Variants in BNC2 observed in about 807,000 individuals in gnomAD.
BNC2 encodes the protein zinc finger protein basonuclin-2.
Under a neutral mutation model 76.3 loss-of-function variants are expected in BNC2, and 20 were observed. The observed-to-expected ratio is 0.26, with a 90% CI of 0.18 to 0.38. The LOEUF (loss-of-function observed/expected upper bound fraction) is 0.38. BNC2 is among the 10% of genes least tolerant of loss of function. BNC2 has a pLI of 1.00. For missense variants in BNC2, 1,382 were observed against 1,399.8 expected (o/e 0.99, Z 0.20); for synonymous variants, 582 against 514.8 (o/e 1.13, Z -1.77).
intron 1 of BNC2, among the ~76,000 whole-genome samples, chr9:16,743,771 G>A (rs1824918461): frequency 6.6e-6 from 1 of 152,168 alleles, no homozygotes; most frequent in Non-Finnish European, 1.5e-5. Flanking sequence ...CTGCCAGATG[G>A]ACTGGCTCCT....
At chr9:16,521,745 A>G (rs1233234109) in intron 5 of BNC2, among the ~76,000 whole-genome samples, 1 of 152,204 alleles carries the variant, frequency 6.6e-6, no homozygotes, top group Non-Finnish European at 1.5e-5. Flanking sequence ...AAAACTCCAT[A>G]TCATGTTAAA....
Position 16,425,198 on chromosome 9 carries a change from C to A in BNC2, c.2640-5549G>T, listed in dbSNP as rs536746017. ...AAACAAATCATCCATACTAGTCACG[C>A]AGACAGTTTCCTCTACATTCAAATT... On this transcript the variant is annotated intron_variant, in intron 6 of 6. Transcript: ENST00000380672. Among the ~76,000 whole-genome samples the A allele has an allele frequency of 9.8e-5, 15 of 152,308 alleles. No homozygotes were observed. The South Asian group carries it at 3.1e-3, about 32-fold the overall frequency.
In BNC2 at chr9:16,663,128, C is replaced by CTTTTTTTTTTTTT. The variant is rs1220327938; in HGVS notation, c.330+64668_330+64669insAAAAAAAAAAAAA. Among the ~76,000 whole-genome samples the CTTTTTTTTTTTTT allele has an allele frequency of 4.6e-3, 238 of 51,626 alleles. 7 individuals carry two copies. The highest frequency in any genetic ancestry group is 0.015 in the African/African-American group (214 of 14,550). 33.9% of individuals were successfully genotyped at this position (51,626 alleles called of 152,430 possible). ...ATCCATAGGCACTCCACTCTGTTTA[C>CTTTTTTTTTTTTT]TCTTTTTTTTTTTTTTTTGGAGACG... On this transcript the variant is annotated intron_variant, in intron 3 of 6. Transcript: ENST00000380672.
At chr9:16,652,233 T>C (rs1191860342) in intron 3 of BNC2, among the ~76,000 whole-genome samples, 1 of 152,222 alleles carries the variant, frequency 6.6e-6, no homozygotes, top group Non-Finnish European at 1.5e-5. Flanking sequence ...GAGTCATTGT[T>C]TTCAGATAAT....
Position 16,738,584 on chromosome 9 carries a change from C to A in BNC2, c.4-99G>T. ...TTTAAGAAATTGCAAATATAACACA[C>A]CAATGACCAACTAAACACATTTTTT... On this transcript the variant is annotated intron_variant, in intron 1 of 6. Coordinates refer to ENST00000380672, the MANE Select transcript of BNC2 (RefSeq NM_017637.6). 4.6e-6 allele frequency: 6 copies of A among 1,305,546 alleles called. No individual in the cohort carries two copies. The South Asian group carries it at 6.4e-5, about 14-fold the overall frequency. The allele number at this position is 1,305,546 out of a possible 1,614,324, so 80.9% of individuals were successfully genotyped here.
chr9:16,462,653 C>T (rs1439527913), intron 5 of BNC2, among the ~76,000 whole-genome samples: 1 of 152,200 alleles, frequency 6.6e-6, no homozygotes, highest in East Asian at 1.9e-4. Context: ...CCAGCTACAT[C>T]ATACCTCTTC....
At chr9:16,477,727 A>C (rs1821957740) in intron 5 of BNC2, among the ~76,000 whole-genome samples, 1 of 152,106 alleles carries the variant, frequency 6.6e-6, no homozygotes, top group Non-Finnish European at 1.5e-5. Flanking sequence ...TTTATCAAAA[A>C]TTTGATATCT....
intron 3 of BNC2, among the ~76,000 whole-genome samples, chr9:16,640,077 C>G (rs988221268): frequency 6.6e-6 from 1 of 150,416 alleles, no homozygotes; most frequent in African/African-American, 2.5e-5. Flanking sequence ...CGTAGTAATA[C>G]AAATCTCTTC....
chr9:16,469,503 T>C (rs1304045072), intron 5 of BNC2, among the ~76,000 whole-genome samples: 1 of 152,236 alleles, frequency 6.6e-6, no homozygotes, highest in African/African-American at 2.4e-5. Context: ...CATGGGGAAC[T>C]GTAAGTCCAA....
In BNC2 at chr9:16,738,344, A is replaced by G; in HGVS notation, c.129+16T>C. 1 of 1,613,674 alleles carries G rather than the reference A, an allele frequency of 6.2e-7. No homozygotes were observed. The highest frequency in any genetic ancestry group is 8.5e-7 in the Non-Finnish European group (1 of 1,179,724). The stretch of plus-strand genomic sequence containing the variant: ...TGTCCAAGTAACTTAAAGGGGGAAA[A>G]AAAAAACCAACATACCTCAATTTGA... On this transcript the variant is annotated intron_variant, in intron 2 of 6. Transcript: ENST00000380672.
chr9:16,570,636 A>C (rs1819296565), intron 4 of BNC2, among the ~76,000 whole-genome samples: 1 of 152,206 alleles, frequency 6.6e-6, no homozygotes, highest in Non-Finnish European at 1.5e-5. Context: ...TAAATGCACA[A>C]GTAGAAAATG....
At chr9:16,494,344 G>A (rs1360275991) in intron 5 of BNC2, among the ~76,000 whole-genome samples, 1 of 152,020 alleles carries the variant, frequency 6.6e-6, no homozygotes, top group African/African-American at 2.4e-5. Context: ...GTAGAGATGG[G>A]GTTTCACCAT....
chr9:16,525,418 C>T (rs1168029481), intron 5 of BNC2, among the ~76,000 whole-genome samples: 3 of 151,666 alleles, frequency 2.0e-5, no homozygotes, highest in Admixed American at 6.6e-5. Context: ...GGATTTACAA[C>T]GCAATAGAAA....
At chr9:16,680,862 T>G (rs1448356760) in intron 3 of BNC2, among the ~76,000 whole-genome samples, 4 of 152,198 alleles carry the variant, frequency 2.6e-5, no homozygotes, top group Non-Finnish European at 4.4e-5. Context: ...TACTTTCTCT[T>G]TTTTAAGCTA....
At chr9:16,619,981 T>A (rs1371024381) in intron 3 of BNC2, among the ~76,000 whole-genome samples, 1 of 152,160 alleles carries the variant, frequency 6.6e-6, no homozygotes, top group African/African-American at 2.4e-5. Flanking sequence ...AAGTCCAGCA[T>A]TCAATGCACT....
chr9:16,756,519 G>C (rs1825388026), intron 1 of BNC2, among the ~76,000 whole-genome samples: 1 of 152,054 alleles, frequency 6.6e-6, no homozygotes, highest in Non-Finnish European at 1.5e-5. Flanking sequence ...TTGCAGCTGA[G>C]GTTCCAAAAT....
At chr9:16,835,518 G>A (rs915799065) in intron 1 of BNC2, among the ~76,000 whole-genome samples, 1 of 151,784 alleles carries the variant, frequency 6.6e-6, no homozygotes, top group African/African-American at 2.4e-5. Flanking sequence ...GACCAACATG[G>A]TGAAACCCTG....
intron 3 of BNC2, among the ~76,000 whole-genome samples, chr9:16,624,651 C>A (rs146467411): frequency 6.6e-6 from 1 of 152,178 alleles, no homozygotes; most frequent in Non-Finnish European, 1.5e-5. Context: ...AGCATGGAAT[C>A]AGAATACCTC....
rs891350806 is a variant in BNC2 at position 16,727,916 on chromosome 9, T to C, written c.211A>G (p.Arg71Gly). 6.2e-7 allele frequency: 1 copy of C among 1,614,058 alleles called. No homozygotes were observed. The highest frequency in any genetic ancestry group is 1.7e-5 in the Admixed American group (1 of 60,004). Residue 71 changes from arginine to glycine, a missense_variant, in exon 3 of 7, where the codon AGA becomes GGA. This residue lies in a region of BNC2 where 557 missense variants were observed against 540.9 expected (regional missense o/e 1.03). Transcript: ENST00000380672. ...ATGGAGTTGTCAGTACAGGAGTCTCTTAAAGTCAAGTCTCTTGCCCTCTTT... is the reference window on the plus strand; with the variant it reads ...ATGGAGTTGTCAGTACAGGAGTCTCCTAAAGTCAAGTCTCTTGCCCTCTTT... The part of the protein sequence containing the change: ...EPKRARDLTL[R>G]DSCTDNSMQF...
Sources: gnomAD v4.1 joint callset for allele counts (sites outside exome capture counted in the v4.1 genomes callset) on GRCh38, gnomAD v4.1.1 for gene constraint, gnomAD v4.1.1 regional missense constraint, MANE v1.5 for transcripts, NCBI Gene and HGNC (gene_info 2026-07-23, HGNC 2026-07-21) for gene names.